The following CORO2B variants were observed in gnomAD, a reference collection of about 807,000 sequenced individuals.
CORO2B encodes coronin 2B.
A neutral mutation model predicts 58.8 loss-of-function variants in CORO2B; 26 were observed. The observed-to-expected ratio is 0.44, with a 90% CI of 0.32 to 0.61. The LOEUF (loss-of-function observed/expected upper bound fraction) is 0.61, where lower values mean the gene tolerates loss of function less well. Ranked by LOEUF, CORO2B falls within the 20% of genes least tolerant of loss-of-function variation. The pLI is 0.04. For missense variants in CORO2B, 460 were observed against 645.1 expected, an observed-to-expected ratio of 0.71 and a Z score of 3.11; for synonymous variants, 242 against 253.8, an observed-to-expected ratio of 0.95 and a Z score of 0.44.
At chr15:68,681,074 A>G (rs1010807142) in intron 2 of CORO2B, among the ~76,000 whole-genome samples, 9 of 152,294 alleles carry the variant, frequency 5.9e-5, no homozygotes, top group African/African-American at 2.2e-4. Flanking sequence ...TTAGCCGGGC[A>G]TGATGGCAGG....
At position 68,713,993 on chromosome 15, in the gene CORO2B, G is replaced by A; in HGVS notation, c.717G>A (p.Thr239=). The A allele has an allele frequency of 5.6e-6, 9 of 1,614,074 alleles. No individual in the cohort carries two copies. Among genetic ancestry groups the A allele is most frequent in the South Asian group, 2.2e-5 (2 of 91,074 alleles). Residue 239 remains threonine, a synonymous_variant, in exon 6 of 12, where the codon ACG becomes ACA. Coordinates refer to ENST00000261861, the MANE Select transcript of CORO2B (RefSeq NM_006091.5). ...TGGGGAACATGAAGCGGCTCCTCAC[G>A]ACAGGGGTCTCCAGGTGGAACACAA... ...VFLGNMKRLL[T]TGVSRWNTRQ...
intron 2 of CORO2B, among the ~76,000 whole-genome samples, chr15:68,691,873 G>A (rs1892387364): frequency 6.6e-6 from 1 of 152,128 alleles, no homozygotes; most frequent in Admixed American, 6.5e-5. Context: ...CCTATTGACT[G>A]GTTCGGTGCC....
chr15:68,709,463 T>G (rs1389326860), intron 3 of CORO2B, among the ~76,000 whole-genome samples: 6 of 144,504 alleles, frequency 4.2e-5, no homozygotes, highest in African/African-American at 1.3e-4. Flanking sequence ...TTTCGTGTTT[T>G]TTTTTTTTTT....
chr15:68,620,501 T>A (rs1484878968), intron 1 of CORO2B, among the ~76,000 whole-genome samples: 1 of 152,134 alleles, frequency 6.6e-6, no homozygotes, highest in Non-Finnish European at 1.5e-5. Flanking sequence ...AGAACACTTG[T>A]CCATGAGTCT....
chr15:68,679,915 A>G (rs972327546), intron 2 of CORO2B, among the ~76,000 whole-genome samples: 2 of 152,198 alleles, frequency 1.3e-5, no homozygotes, highest in African/African-American at 4.8e-5. Context: ...CCCCTTACAT[A>G]TCCCTGATGG....
At chr15:68,596,468 C>A (rs993847108) in intron 1 of CORO2B, among the ~76,000 whole-genome samples, 1 of 152,252 alleles carries the variant, frequency 6.6e-6, no homozygotes, top group East Asian at 1.9e-4. Flanking sequence ...AATTTTGAGG[C>A]TCCAGCAGGA....
At chr15:68,652,063 G>T (rs563831155) in intron 2 of CORO2B, among the ~76,000 whole-genome samples, 1 of 152,146 alleles carries the variant, frequency 6.6e-6, no homozygotes, top group East Asian at 1.9e-4. Flanking sequence ...AAGCTGAGAC[G>T]GCACAGCCGG....
intron 1 of CORO2B, among the ~76,000 whole-genome samples, chr15:68,592,839 C>T (rs1899739178): frequency 1.3e-5 from 2 of 152,222 alleles, no homozygotes; most frequent in South Asian, 4.1e-4. Context: ...AGGTGGTTCT[C>T]AACCCCGGCT....
At chr15:68,606,879 C>A (rs72746589) in intron 1 of CORO2B, among the ~76,000 whole-genome samples, 4,144 of 152,248 alleles carry the variant, frequency 0.027, 81 homozygotes, top group Middle Eastern at 0.044. Flanking sequence ...TTTCACAGGG[C>A]AGGCACTTCG....
intron 3 of CORO2B, among the ~76,000 whole-genome samples, chr15:68,703,174 C>T (rs1181403300): frequency 4.7e-5 from 5 of 105,730 alleles, no homozygotes; most frequent in African/African-American, 1.4e-4. Context: ...TTTTTTGAGA[C>T]GGAGTCTTGC....
rs1039834388 is a variant in CORO2B, at chr15:68,724,708, T to C, written c.1312-1135T>C. 3.4e-4 allele frequency among the ~76,000 whole-genome samples: 52 copies of C among 152,240 alleles called. 1 individual carries two copies. The highest frequency in any genetic ancestry group is 2.0e-4 in the Admixed American group (3 of 15,288). On this transcript the variant is annotated intron_variant, in intron 11 of 11. Coordinates refer to ENST00000261861, the MANE Select transcript of CORO2B (RefSeq NM_006091.5). ...GTGCTCATTTCATCAATTTATATTATATTTCATTAAATTATGCAATTACAA... is the reference window on the plus strand; with the variant it reads ...GTGCTCATTTCATCAATTTATATTACATTTCATTAAATTATGCAATTACAA...
chr15:68,607,316 A>G (rs1301384609), intron 1 of CORO2B, among the ~76,000 whole-genome samples: 7 of 152,190 alleles, frequency 4.6e-5, no homozygotes, highest in Non-Finnish European at 5.9e-5. Flanking sequence ...TGGTGTCTCC[A>G]CATGGCTTGA....
At chr15:68,623,967 C>T (rs1900602669) in intron 1 of CORO2B, among the ~76,000 whole-genome samples, 1 of 152,144 alleles carries the variant, frequency 6.6e-6, no homozygotes, top group African/African-American at 2.4e-5. Context: ...CAGCCCTCCT[C>T]AGCTCAACCT....
intron 2 of CORO2B, among the ~76,000 whole-genome samples, chr15:68,675,431 A>G (rs1164027909): frequency 6.6e-6 from 1 of 152,142 alleles, no homozygotes; most frequent in African/African-American, 2.4e-5. Flanking sequence ...CAGGAATAGC[A>G]TCTTCTAGGC....
At chr15:68,676,893 C>T (rs1014815703) in intron 2 of CORO2B, among the ~76,000 whole-genome samples, 1 of 152,126 alleles carries the variant, frequency 6.6e-6, no homozygotes, top group Non-Finnish European at 1.5e-5. Flanking sequence ...ACATCAGCCT[C>T]CCCAAGTAGC....
chr15:68,566,101 G>A, the CORO2B span, among the ~76,000 whole-genome samples: 3 of 152,204 alleles, frequency 2.0e-5, no homozygotes, highest in East Asian at 1.9e-4. Flanking sequence ...CCTGGATGAG[G>A]AGAAGGGGTT....
At chr15:68,688,077 A>T (rs1269297748) in intron 2 of CORO2B, among the ~76,000 whole-genome samples, 1 of 152,228 alleles carries the variant, frequency 6.6e-6, no homozygotes, top group East Asian at 1.9e-4. Flanking sequence ...GTTGCACAAA[A>T]GCTTTTGAAA....
At chr15:68,550,261 C>G in the CORO2B span, among the ~76,000 whole-genome samples, 1 of 152,084 alleles carries the variant, frequency 6.6e-6, no homozygotes, top group Admixed American at 6.6e-5. Context: ...TTAAAAGAAC[C>G]CCCGGGATGT....
intron 2 of CORO2B, among the ~76,000 whole-genome samples, chr15:68,670,417 T>A (rs2140294971): frequency 6.6e-6 from 1 of 152,230 alleles, no homozygotes; most frequent in South Asian, 2.1e-4. Context: ...TGGGCTCAAG[T>A]GATCCTCCTG....
Sources: gnomAD v4.1 joint callset for allele counts (sites outside exome capture counted in the v4.1 genomes callset) on GRCh38, gnomAD v4.1.1 for gene constraint, MANE v1.5 for transcripts, NCBI Gene and HGNC (gene_info 2026-07-23, HGNC 2026-07-21) for gene names.